Variants in NAV2 observed in about 807,000 individuals in gnomAD.
The protein encoded by NAV2 is helicase, APC down-regulated 1.
NAV2 carries 54 observed loss-of-function variants against 223.2 expected under a neutral mutation model. That is an observed-to-expected ratio of 0.24 (90% CI 0.19 to 0.30). The LOEUF (loss-of-function observed/expected upper bound fraction) is 0.30, where lower values mean the gene tolerates loss of function less well. NAV2 is among the 10% of genes least tolerant of loss of function. The pLI is 1.00. For synonymous variants in NAV2, 1,279 were observed against 1,239.3 expected, an observed-to-expected ratio of 1.03 and a Z score of -0.67; for missense variants, 2,806 against 3,147.5, an observed-to-expected ratio of 0.89 and a Z score of 2.60.
At chr11:19,392,695 C>A (rs953705287) in intron 1 of NAV2, among the ~76,000 whole-genome samples, 2 of 152,070 alleles carry the variant, frequency 1.3e-5, no homozygotes, top group African/African-American at 4.8e-5. Context: ...GCCCATATAA[C>A]GGGGAGGGAT....
intron 1 of NAV2, among the ~76,000 whole-genome samples, chr11:19,826,442 C>A (rs560733203): frequency 1.9e-4 from 29 of 152,114 alleles, no homozygotes; most frequent in Non-Finnish European, 3.5e-4. Flanking sequence ...AATTGCTGGA[C>A]CTGATGAAAT....
At chr11:19,831,243 T>TGGGGGGGGGGGGGGGGGGGGG (rs1565392533) in intron 1 of NAV2, among the ~76,000 whole-genome samples, 2 of 1,856 alleles carry the variant, frequency 1.1e-3, no homozygotes, top group Admixed American at 7.0e-3. Context: ...GGGGGCGCGA[T>TGGGGGGGGGGGGGGGGGGGGG]GGGGAGTGGG....
intron 1 of NAV2, among the ~76,000 whole-genome samples, chr11:19,391,070 AG>A (rs1849228787): frequency 6.6e-6 from 1 of 152,134 alleles, no homozygotes; most frequent in African/African-American, 2.4e-5. Context: ...CAAGTAAATG[AG>A]GGGCCCAGCA....
intron 1 of NAV2, among the ~76,000 whole-genome samples, chr11:19,762,829 G>A (rs1455279956): frequency 6.6e-6 from 1 of 151,916 alleles, no homozygotes; most frequent in Non-Finnish European, 1.5e-5. Context: ...AGCCAGGATG[G>A]TCTCAATTTC....
At chr11:19,427,020 C>A (rs994982951) in intron 1 of NAV2, among the ~76,000 whole-genome samples, 5 of 151,992 alleles carry the variant, frequency 3.3e-5, no homozygotes, top group Non-Finnish European at 5.9e-5. Flanking sequence ...TGGCACCCTG[C>A]TACAGTGTGA....
intron 7 of NAV2, 68 bp from the exon 8 acceptor site, chr11:19,939,593 A>ACC (rs1413206942): frequency 3.1e-5 from 39 of 1,261,776 alleles, no homozygotes; most frequent in Non-Finnish European, 4.6e-6. Flanking sequence ...CTGTGGTTAG[A>ACC]CCACAGTGGT....
At chr11:19,844,093 A>G (rs1424005703) in intron 3 of NAV2, among the ~76,000 whole-genome samples, 1 of 152,214 alleles carries the variant, frequency 6.6e-6, no homozygotes, top group South Asian at 2.1e-4. Flanking sequence ...CACTTCTTAC[A>G]TAGGAAAGTC....
intron 1 of NAV2, among the ~76,000 whole-genome samples, chr11:19,396,034 C>T (rs1652901504): frequency 6.6e-6 from 1 of 152,158 alleles, no homozygotes; most frequent in Non-Finnish European, 1.5e-5. Flanking sequence ...ATAATGCCTA[C>T]CTCCTGGGAT....
Position 20,101,045 on chromosome 11 carries a change from C to G in NAV2, c.6290C>G (p.Ser2097Cys). The G allele has an allele frequency of 1.9e-6, 3 of 1,614,184 alleles. No homozygotes were observed. Among genetic ancestry groups the G allele is most frequent in the South Asian group, 1.1e-5 (1 of 91,076 alleles). ...ATAGAGCACCGTCGGATCATTCTCT[C>G]TGGCCCCAGCGGCACTGGGAAAACC... ...LLIEHRRIIL[S>C]GPSGTGKTYL... is the part of the protein sequence containing the mutation. Residue 2097 changes from serine to cysteine, a missense_variant, in exon 32 of 38, where the codon TCT (serine) becomes TGT (cysteine). Ser to Cys is a moderately radical substitution (Grantham distance 112). Coordinates refer to ENST00000349880, the MANE Select transcript of NAV2 (RefSeq NM_145117.5).
chr11:19,594,938 C>A (rs1226943707), intron 1 of NAV2, among the ~76,000 whole-genome samples: 3 of 152,170 alleles, frequency 2.0e-5, no homozygotes, highest in East Asian at 3.9e-4. Context: ...ATCTATCAAG[C>A]ACTTACTTTG....
At chr11:19,479,033 C>T (rs1204492012) in intron 1 of NAV2, among the ~76,000 whole-genome samples, 1 of 152,110 alleles carries the variant, frequency 6.6e-6, no homozygotes, top group Non-Finnish European at 1.5e-5. Flanking sequence ...TAGATATTTT[C>T]ATGGGGTTGC....
At chr11:20,073,108 C>T (rs2059503278) in intron 22 of NAV2, among the ~76,000 whole-genome samples, 1 of 152,116 alleles carries the variant, frequency 6.6e-6, no homozygotes, top group Non-Finnish European at 1.5e-5. Context: ...GAGATACATT[C>T]CATCAATATC....
chr11:19,591,516 G>T lies in NAV2; in HGVS notation c.75+240489G>T, dbSNP rs529566193. On this transcript the variant is annotated intron_variant, in intron 1 of 37. Coordinates refer to the NAV2 transcript ENST00000360655. The stretch of plus-strand genomic sequence containing the variant: ...CAAATCAATATTGGATCTATCAAAG[G>T]GATCTGAATATGGGCACCTCTATGT... 4.0e-3 allele frequency among the ~76,000 whole-genome samples: 610 copies of T among 152,266 alleles called. 1 individual carries two copies. Among genetic ancestry groups the T allele is most frequent in the Non-Finnish European group, 7.1e-3 (485 of 68,018 alleles).
At chr11:20,112,573 A>AGCAG (rs2062725655) in intron 36 of NAV2, among the ~76,000 whole-genome samples, 1 of 152,218 alleles carries the variant, frequency 6.6e-6, no homozygotes, top group African/African-American at 2.4e-5. Context: ...CAATGAGCCC[A>AGCAG]GCAGGCTGTC....
intron 1 of NAV2, among the ~76,000 whole-genome samples, chr11:19,748,532 C>T (rs2053555431): frequency 6.6e-6 from 1 of 152,324 alleles, no homozygotes; most frequent in Non-Finnish European, 1.5e-5. Context: ...ACACCACAAA[C>T]TCCTCAGGGA....
At chr11:20,006,052 C>T (rs1374923569) in intron 11 of NAV2, among the ~76,000 whole-genome samples, 1 of 151,988 alleles carries the variant, frequency 6.6e-6, no homozygotes, top group Non-Finnish European at 1.5e-5. Flanking sequence ...GAGTTCCAGA[C>T]CCTGTTACTC....
intron 1 of NAV2, among the ~76,000 whole-genome samples, chr11:19,660,094 T>C (rs1229264792): frequency 6.6e-6 from 1 of 152,176 alleles, no homozygotes; most frequent in Non-Finnish European, 1.5e-5. Flanking sequence ...ACCCCAGGCA[T>C]CCTTCTCTCA....
intron 29 of NAV2, among the ~76,000 whole-genome samples, chr11:20,093,615 A>T (rs1210342138): frequency 2.0e-5 from 3 of 152,198 alleles, no homozygotes; most frequent in Non-Finnish European, 4.4e-5. Flanking sequence ...GTCATCAGTC[A>T]CCAAGAGTAC....
At chr11:19,944,859 G>A (rs116325451) in intron 8 of NAV2, among the ~76,000 whole-genome samples, 1,888 of 134,392 alleles carry the variant, frequency 0.014, 46 homozygotes, top group African/African-American at 0.049. Context: ...TTTCTGTCTT[G>A]CTTGTCTTTC....
Sources: gnomAD v4.1 joint callset for allele counts (sites outside exome capture counted in the v4.1 genomes callset) on GRCh38, gnomAD v4.1.1 for gene constraint, MANE v1.5 for transcripts, NCBI Gene and HGNC (gene_info 2026-07-23, HGNC 2026-07-21) for gene names.